ATP23: variants seen among roughly 807,000 people sequenced by gnomAD.
The protein encoded by ATP23 is ATP23 metallopeptidase and ATP synthase assembly factor homolog.
In ATP23, 24 loss-of-function variants were observed where a neutral mutation model predicts 28.5. That is an observed-to-expected ratio of 0.84 (90% CI 0.61 to 1.18). The LOEUF is 1.18. Ranked by LOEUF, ATP23 falls within the 50% of genes most tolerant of loss-of-function variation. The probability of loss-of-function intolerance (pLI) is 0.00; values close to 1 mark genes in which losing one functional copy is unlikely to be tolerated. For synonymous variants in ATP23, 99 were observed against 108.6 expected, an observed-to-expected ratio of 0.91 and a Z score of 0.55; for missense variants, 274 against 306.4, an observed-to-expected ratio of 0.89 and a Z score of 0.79.
At chr12:57,948,584 A>T (rs1956785761) in intron 3 of ATP23, among the ~76,000 whole-genome samples, 1 of 152,108 alleles carries the variant, frequency 6.6e-6, no homozygotes, top group Non-Finnish European at 1.5e-5. Context: ...TGCCTGGCCT[A>T]TTTTTTTAAA....
rs1321773244 is a variant in ATP23 at position 57,957,702 on chromosome 12, C to T, written c.*812C>T. 1.3e-5 allele frequency among the ~76,000 whole-genome samples: 2 copies of T among 152,134 alleles called. No homozygotes were observed. Among genetic ancestry groups the T allele is most frequent in the African/African-American group, 2.4e-5 (1 of 41,422 alleles). ...TTAATTTAGAGAGCCGAGCGAAATACAGGGGTAGAGCAAGCAGCAGGAAGG... is the reference window on the plus strand; with the variant it reads ...TTAATTTAGAGAGCCGAGCGAAATATAGGGGTAGAGCAAGCAGCAGGAAGG... On this transcript the variant is annotated 3_prime_UTR_variant, in exon 6 of 6. Coordinates refer to ENST00000300145, the MANE Select transcript of ATP23 (RefSeq NM_033276.4).
At chr12:57,944,024 A>T (rs1592272810) in intron 1 of ATP23, among the ~76,000 whole-genome samples, 3 of 125,746 alleles carry the variant, frequency 2.4e-5, no homozygotes, top group African/African-American at 3.0e-5. Context: ...TATTCTAAAT[A>T]TTGCTGCAGG....
In ATP23 at chr12:57,958,752, C is replaced by T. The variant is rs755004874; in HGVS notation, c.*1862C>T. On this transcript the variant is annotated 3_prime_UTR_variant, in exon 6 of 6. Coordinates refer to ENST00000300145, the MANE Select transcript of ATP23 (RefSeq NM_033276.4). ...CTGAACAATGGCCTTCAGCCCTAGA[C>T]CTTCCCTTTGACAGAGACTACCCAA... is the stretch of plus-strand genomic sequence containing the variant. Among the ~76,000 whole-genome samples the T allele has an allele frequency of 6.6e-6, 1 of 152,226 alleles. No homozygotes were observed. The highest frequency in any genetic ancestry group is 2.4e-5 in the African/African-American group (1 of 41,450).
rs1956885127 is a variant in ATP23, at chr12:57,958,061, A to G, written c.*1171A>G. The stretch of plus-strand genomic sequence containing the variant: ...TGGTGGGGGGCATGGTGGGAGTGAG[A>G]CTGGCCCTTCGGCTTGTGTGGGAGC... On this transcript the variant is annotated 3_prime_UTR_variant, in exon 6 of 6. Transcript: ENST00000300145. Among the ~76,000 whole-genome samples the G allele has an allele frequency of 1.3e-5, 2 of 152,064 alleles. No individual in the cohort carries two copies. The highest frequency in any genetic ancestry group is 3.9e-4 in the East Asian group (2 of 5,172).
At chr12:57,948,734 C>T (rs1956787309) in intron 3 of ATP23, among the ~76,000 whole-genome samples, 1 of 152,124 alleles carries the variant, frequency 6.6e-6, no homozygotes, top group East Asian at 1.9e-4. Flanking sequence ...ACTTCAGAAG[C>T]CTTCGTGGTC....
At position 57,941,711 on chromosome 12, in the gene ATP23, GCT is replaced by G. The variant is rs774702920; in HGVS notation, c.12_13del (p.Pro5GlyfsTer50). On this transcript the variant is annotated frameshift_variant, in exon 1 of 6. Coordinates refer to ENST00000300145, the MANE Select transcript of ATP23 (RefSeq NM_033276.4). LOFTEE classifies it high-confidence loss of function. MAGAPDERRRGPAA... is the reference protein window; with the variant it reads MAGXPDERRRGPAA... ...GAGGTCTGCGGGAGGCATGGCGGGA[GCT>G]CCGGACGAGCGCCGGCGGGGCCCCG... is the stretch of plus-strand genomic sequence containing the variant. 16 of 1,602,802 alleles carry G rather than the reference GCT, an allele frequency of 1.0e-5. No individual in the cohort carries two copies. The East Asian group carries it at 2.0e-4, about 20-fold the overall frequency.
Position 57,956,907 on chromosome 12 carries a change from A to C in ATP23, c.*17A>C. On this transcript the variant is annotated 3_prime_UTR_variant, in exon 6 of 6. Coordinates refer to ENST00000300145, the MANE Select transcript of ATP23 (RefSeq NM_033276.4). ...AATATATGAGCACAATGACATTTTT[A>C]TATTACAGAGCTTCCATCATCATGA... The C allele has an allele frequency of 6.3e-7, 1 of 1,578,882 alleles. No homozygotes were observed. The highest frequency in any genetic ancestry group is 8.6e-7 in the Non-Finnish European group (1 of 1,166,476).
At chr12:57,948,767 CT>C (rs1956787706) in intron 3 of ATP23, among the ~76,000 whole-genome samples, 1 of 152,094 alleles carries the variant, frequency 6.6e-6, no homozygotes, top group Non-Finnish European at 1.5e-5. Context: ...GTCCTTTTCC[CT>C]TCCTTATCCT....
At chr12:57,946,533 C>A (rs1956762831) in intron 2 of ATP23, among the ~76,000 whole-genome samples, 2 of 149,888 alleles carry the variant, frequency 1.3e-5, no homozygotes, top group African/African-American at 2.5e-5. Context: ...TCTCGGCTCA[C>A]CGCAACCTCC....
chr12:57,952,821 A>G (rs1956828190), intron 4 of ATP23, among the ~76,000 whole-genome samples: 2 of 152,338 alleles, frequency 1.3e-5, no homozygotes, highest in South Asian at 2.1e-4. Flanking sequence ...GAATGAGGCC[A>G]TAATATTGAA....
intron 1 of ATP23, among the ~76,000 whole-genome samples, chr12:57,944,059 GT>G (rs10672119): frequency 6.7e-4 from 92 of 137,340 alleles, no homozygotes; most frequent in East Asian, 2.7e-3. Flanking sequence ...CTAAACCATG[GT>G]TTTTTTTTTT....
chr12:57,941,836 C>T lies in ATP23; in HGVS notation c.135C>T (p.Phe45=), dbSNP rs896006886. 5.6e-6 allele frequency: 9 copies of T among 1,612,886 alleles called. No homozygotes were observed. In the African/African-American group the frequency reaches 1.2e-4, roughly 22 times the overall value. The change falls in exon 1 of 6, where the codon TTC becomes TTT. Residue 45 remains phenylalanine (F), a synonymous_variant. Coordinates refer to ENST00000300145, the MANE Select transcript of ATP23 (RefSeq NM_033276.4). ...CCCAGCAAGGGTTCTTCTCCAGCTT[C>T]TTCACCAGCAACCAGAAGTGCCAGC... is the stretch of plus-strand genomic sequence containing the variant. ...GNPQQGFFSS[F]FTSNQKCQLR...
rs1956887371 is a variant in ATP23, at chr12:57,958,326, C to T, written c.*1436C>T. Among the ~76,000 whole-genome samples the T allele has an allele frequency of 6.6e-6, 1 of 152,130 alleles. No homozygotes were observed. Among genetic ancestry groups the T allele is most frequent in the Admixed American group, 6.5e-5 (1 of 15,274 alleles). ...CTGGTATCTGAACAAAAAGGGCATACAATCTTGGGAGTTCTAGGGCCCCAC... is the reference window on the plus strand; with the variant it reads ...CTGGTATCTGAACAAAAAGGGCATATAATCTTGGGAGTTCTAGGGCCCCAC... On this transcript the variant is annotated 3_prime_UTR_variant, in exon 6 of 6. Transcript: ENST00000300145.
At chr12:57,954,921 CT>C (rs1956851184) in intron 5 of ATP23, among the ~76,000 whole-genome samples, 1 of 151,874 alleles carries the variant, frequency 6.6e-6, no homozygotes. Flanking sequence ...GGTGATTACT[CT>C]AGACAGTGAG....
At chr12:57,943,721 G>A (rs180792483) in intron 1 of ATP23, among the ~76,000 whole-genome samples, 1 of 152,098 alleles carries the variant, frequency 6.6e-6, no homozygotes, top group African/African-American at 2.4e-5. Flanking sequence ...TAAAGTACCA[G>A]CATATCAGGA....
rs777915428 is a variant in ATP23, at chr12:57,956,872, GTAT to G, written c.728_730del (p.Tyr243del). The stretch of plus-strand genomic sequence containing the variant: ...ACAGAGACTTTGAAAACCGTGATCG[GTAT>G]TATTCAAATATATGAGCACAATGAC... On this transcript the variant is annotated inframe_deletion, in exon 6 of 6. Coordinates refer to ENST00000300145, the MANE Select transcript of ATP23 (RefSeq NM_033276.4). 2 of 1,608,624 alleles carry G rather than the reference GTAT, an allele frequency of 1.2e-6. No individual in the cohort carries two copies. The highest frequency in any genetic ancestry group is 3.4e-5 in the Admixed American group (2 of 58,684).
chr12:57,943,376 T>C (rs1000979197), intron 1 of ATP23, among the ~76,000 whole-genome samples: 2 of 152,100 alleles, frequency 1.3e-5, no homozygotes, highest in Admixed American at 6.5e-5. Flanking sequence ...TTTAGGGTTG[T>C]TGTGAAGAAT....
chr12:57,951,787 T>TTCTGAA lies in ATP23; in HGVS notation c.345_346insTCTGAA (p.Asn115_Gln116insSerGlu). 6.2e-7 allele frequency: 1 copy of TTCTGAA among 1,614,138 alleles called. No homozygotes were observed. Among genetic ancestry groups the TTCTGAA allele is most frequent in the Non-Finnish European group, 8.5e-7 (1 of 1,180,018 alleles). ...TTTTGTGCCAGAATAATATCCATAA[T>TTCTGAA]CAGGCCCATATGAACAGAGTGGTCA... On this transcript the variant is annotated inframe_insertion, in exon 4 of 6. Transcript: ENST00000300145.
Position 57,958,988 on chromosome 12 carries a change from T to C in ATP23, c.*2098T>C, listed in dbSNP as rs2140548812. Among the ~76,000 whole-genome samples, 1 of 151,858 alleles carries C rather than the reference T, an allele frequency of 6.6e-6. No individual in the cohort carries two copies. Among genetic ancestry groups the C allele is most frequent in the South Asian group, 2.1e-4 (1 of 4,810 alleles). ...GCCCAGTGCAAGGAAATCCAAAAAA[T>C]GATATAAGAAGTGAAGGGAGAAATA... On this transcript the variant is annotated 3_prime_UTR_variant, in exon 6 of 6. Transcript: ENST00000300145.
Sources: gnomAD v4.1 joint callset for allele counts (sites outside exome capture counted in the v4.1 genomes callset) on GRCh38, gnomAD v4.1.1 for gene constraint, MANE v1.5 for transcripts, NCBI Gene and HGNC (gene_info 2026-07-23, HGNC 2026-07-21) for gene names.